Variants in FGGY observed in about 807,000 individuals in gnomAD.
FGGY encodes FGGY carbohydrate kinase domain containing, also known as FGGY carbohydrate kinase domain-containing protein.
A neutral mutation model predicts 71.3 loss-of-function variants in FGGY; 72 were observed. That is an observed-to-expected ratio of 1.01 (90% CI 0.84 to 1.23). The LOEUF (loss-of-function observed/expected upper bound fraction) is 1.23. Ranked by LOEUF, FGGY falls within the 50% of genes most tolerant of loss-of-function variation. FGGY has a pLI of 0.00. For synonymous variants in FGGY, 251 were observed against 250.3 expected, an observed-to-expected ratio of 1.00 and a Z score of -0.02; for missense variants, 668 against 682.3, an observed-to-expected ratio of 0.98 and a Z score of 0.23.
chr1:59,381,744 G>A (rs2059487175), intron 5 of FGGY, among the ~76,000 whole-genome samples: 2 of 151,910 alleles, frequency 1.3e-5, no homozygotes, highest in South Asian at 4.2e-4. Context: ...GATGTGTTAT[G>A]TACTTGTTTG....
chr1:59,373,226 A>G (rs1003409997), intron 4 of FGGY, among the ~76,000 whole-genome samples: 2 of 152,160 alleles, frequency 1.3e-5, no homozygotes, highest in African/African-American at 4.8e-5. Flanking sequence ...AGGATACAAA[A>G]TCAATGTACA....
chr1:59,360,407 C>T (rs2055260568), intron 4 of FGGY, among the ~76,000 whole-genome samples: 1 of 152,152 alleles, frequency 6.6e-6, no homozygotes, highest in Non-Finnish European at 1.5e-5. Flanking sequence ...GAGTGAATCA[C>T]TGTACAAGTA....
chr1:59,616,035 G>A (rs1350612861), intron 9 of FGGY, among the ~76,000 whole-genome samples: 16 of 152,160 alleles, frequency 1.1e-4, no homozygotes, highest in Non-Finnish European at 2.2e-4. Context: ...TACACTGTTG[G>A]TGGGACTGTA....
At position 59,581,087 on chromosome 1, in the gene FGGY, T is replaced by C. The variant is rs773377887; in HGVS notation, c.904-26716T>C. 1.6e-4 allele frequency among the ~76,000 whole-genome samples: 22 copies of C among 136,930 alleles called. 1 individual carries two copies. The highest frequency in any genetic ancestry group is 2.7e-4 in the Non-Finnish European group (18 of 65,746). The allele number at this position is 136,930 out of a possible 152,430, so 89.8% of individuals were successfully genotyped here. A position where few individuals can be genotyped will look rare whatever the true frequency, so the allele number is the denominator to read the frequency against. On this transcript the variant is annotated intron_variant, in intron 8 of 15. Coordinates refer to ENST00000303721, the MANE Select transcript of FGGY (RefSeq NM_018291.5). ...CATTTTCTTTCTTCCCTGAAATGCT[T>C]TGGGGGAGAAGACCAATCAGTCATC...
chr1:59,432,838 A>G (rs910612456), intron 5 of FGGY, among the ~76,000 whole-genome samples: 1 of 152,230 alleles, frequency 6.6e-6, no homozygotes, highest in Non-Finnish European at 1.5e-5. Context: ...TTGAAAGGCT[A>G]AGTGACATGC....
chr1:59,742,736 C>G (rs1323858574), intron 14 of FGGY, among the ~76,000 whole-genome samples: 1 of 152,250 alleles, frequency 6.6e-6, no homozygotes, highest in Non-Finnish European at 1.5e-5. Context: ...CTTACTCACT[C>G]CTGGCAGAAC....
intron 6 of FGGY, among the ~76,000 whole-genome samples, chr1:59,473,655 A>G (rs921424322): frequency 1.3e-5 from 2 of 152,198 alleles, no homozygotes; most frequent in Non-Finnish European, 2.9e-5. Context: ...TGGGCAAGAT[A>G]GAGTTTATGG....
intron 8 of FGGY, among the ~76,000 whole-genome samples, chr1:59,558,940 C>T (rs903339356): frequency 2.0e-5 from 3 of 152,176 alleles, no homozygotes; most frequent in Non-Finnish European, 4.4e-5. Context: ...TTTAGGCTGT[C>T]TGCAAGAAGA....
intron 12 of FGGY, among the ~76,000 whole-genome samples, chr1:59,662,118 G>T (rs761180806): frequency 1.3e-5 from 2 of 149,156 alleles, no homozygotes; most frequent in Non-Finnish European, 3.0e-5. Context: ...TCAGGAGATC[G>T]AGACTATCCC....
intron 7 of FGGY, among the ~76,000 whole-genome samples, chr1:59,529,705 AT>A (rs2095088577): frequency 6.6e-6 from 1 of 152,220 alleles, no homozygotes; most frequent in Admixed American, 6.5e-5. Flanking sequence ...CCCTGGAGGC[AT>A]TGGCAAATCA....
chr1:59,738,998 G>A (rs1425370934), intron 14 of FGGY, among the ~76,000 whole-genome samples: 1 of 152,146 alleles, frequency 6.6e-6, no homozygotes, highest in Non-Finnish European at 1.5e-5. Flanking sequence ...TAAGTAAGAA[G>A]GTCACCTGGT....
At chr1:59,589,446 A>T (rs1320721510) in intron 8 of FGGY, among the ~76,000 whole-genome samples, 1 of 152,196 alleles carries the variant, frequency 6.6e-6, no homozygotes. Context: ...CCTAATAGAC[A>T]TCTACAGAAC....
chr1:59,536,608 G>C (rs1160491198), intron 7 of FGGY, among the ~76,000 whole-genome samples: 3 of 152,090 alleles, frequency 2.0e-5, no homozygotes, highest in Non-Finnish European at 4.4e-5. Flanking sequence ...GAATCCAGCA[G>C]CACATCAAAA....
intron 7 of FGGY, among the ~76,000 whole-genome samples, chr1:59,517,938 T>A (rs1487774373): frequency 1.3e-5 from 2 of 152,226 alleles, no homozygotes; most frequent in Non-Finnish European, 2.9e-5. Context: ...AAGTTTGGGT[T>A]CTTCTAGATG....
At chr1:59,759,406 G>A (rs964096710) in intron 15 of FGGY, among the ~76,000 whole-genome samples, 9 of 152,336 alleles carry the variant, frequency 5.9e-5, no homozygotes, top group Admixed American at 4.6e-4. Context: ...GGAGCTATGG[G>A]CTGCTGTCCC....
intron 7 of FGGY, among the ~76,000 whole-genome samples, chr1:59,521,066 A>G (rs2094817875): frequency 6.6e-6 from 1 of 152,048 alleles, no homozygotes; most frequent in African/African-American, 2.4e-5. Flanking sequence ...AGATAAAGTC[A>G]TGCCGTGGAA....
rs569342589 is a variant in FGGY, at chr1:59,518,696, C to G, written c.799+6257C>G. Among the ~76,000 whole-genome samples, 255 of 152,288 alleles carry G rather than the reference C, an allele frequency of 1.7e-3. 1 individual carries two copies. Among genetic ancestry groups the G allele is most frequent in the South Asian group, 4.1e-3 (20 of 4,826 alleles). ...CCCACTCTCTCTCTTGCTTCTGCTC[C>G]GGCCATGTGAAGTGCCTGCTTCCCC... On this transcript the variant is annotated intron_variant, in intron 7 of 15. Transcript: ENST00000303721.
chr1:59,354,054 G>A (rs558938795), intron 4 of FGGY, among the ~76,000 whole-genome samples: 9 of 152,052 alleles, frequency 5.9e-5, no homozygotes, highest in African/African-American at 2.2e-4. Flanking sequence ...ATTTCTCACA[G>A]CTACCCTATA....
intron 5 of FGGY, among the ~76,000 whole-genome samples, chr1:59,389,238 T>C (rs983849630): frequency 6.6e-6 from 1 of 152,202 alleles, no homozygotes; most frequent in Non-Finnish European, 1.5e-5. Context: ...TATCCCTCCC[T>C]CTCCCCTCTT....
Sources: gnomAD v4.1 joint callset for allele counts (sites outside exome capture counted in the v4.1 genomes callset) on GRCh38, gnomAD v4.1.1 for gene constraint, MANE v1.5 for transcripts, NCBI Gene and HGNC (gene_info 2026-07-23, HGNC 2026-07-21) for gene names.